Variants in MATR3 observed in about 807,000 individuals in gnomAD.
MATR3 encodes the protein matrin 3, also known as matrin-3.
In MATR3, 4 loss-of-function variants were observed where a neutral mutation model predicts 85.5. The ratio of observed to expected loss-of-function variants is 0.05; its 90% CI spans 0.02 to 0.11. The LOEUF is 0.11. Among genes scored for constraint, MATR3 ranks in the 10% least tolerant of loss-of-function variants. MATR3 has a pLI of 1.00. For synonymous variants in MATR3, 336 were observed against 343.1 expected (o/e 0.98, Z 0.23); for missense variants, 685 against 1,016.1 (o/e 0.67, Z 4.43).
chr5:139,294,855 C>G (rs749743029), intron 1 of MATR3: 10 of 152,222 alleles, frequency 6.6e-5, no homozygotes, highest in Non-Finnish European at 1.0e-4. Context: ...GTTTATCCTG[C>G]TCTGTGGCCC....
chr5:139,328,055 G>T lies in MATR3; in HGVS notation c.2494-1290G>T, dbSNP rs890815269. Among the ~76,000 whole-genome samples, 5 of 151,566 alleles carry T rather than the reference G, an allele frequency of 3.3e-5. No individual in the cohort carries two copies. The East Asian group carries it at 5.9e-4, about 18-fold the overall frequency. On this transcript the variant is annotated intron_variant, in intron 14 of 14. Transcript: ENST00000394805. ...TTTTTGTATTTTTAGTAGAAACGGG[G>T]TTTCACCATGTTAGCCAGGCTGGTC...
chr5:139,317,223 A>G, intron 6 of MATR3, 118 bp downstream of exon 6: 7 of 1,031,130 alleles, frequency 6.8e-6, no homozygotes, highest in Non-Finnish European at 1.0e-5. Context: ...CTGTAATTTG[A>G]AAACAATCAC....
intron 1 of MATR3, among the ~76,000 whole-genome samples, chr5:139,302,930 A>G: frequency 6.6e-6 from 1 of 152,214 alleles, no homozygotes; most frequent in East Asian, 1.9e-4. Context: ...GTAAGTTTCA[A>G]TGTGAAGTTA....
chr5:139,275,650 T>A (rs776730056), intron 1 of MATR3, among the ~76,000 whole-genome samples: 2 of 152,106 alleles, frequency 1.3e-5, no homozygotes, highest in African/African-American at 2.4e-5. Flanking sequence ...ATTAGTAATA[T>A]CCCCATTCAG....
At chr5:139,319,094 CTG>C in intron 8 of MATR3, 61 bp downstream of exon 8, 1 of 1,542,394 alleles carries the variant, frequency 6.5e-7, no homozygotes, top group South Asian at 1.1e-5. Flanking sequence ...TAGTTATTAA[CTG>C]TGGTTATTTC....
intron 2 of MATR3, chr5:139,278,966 G>T (rs766800308): frequency 1.9e-6 from 1 of 516,610 alleles, no homozygotes; most frequent in South Asian, 1.4e-5. Context: ...ATCCTAGTCT[G>T]GGTGCAAACA....
intron 3 of MATR3, 177 bp from the exon 4 acceptor site, chr5:139,315,520 G>T: frequency 1.8e-6 from 1 of 544,058 alleles, no homozygotes; most frequent in Non-Finnish European, 3.3e-6. Context: ...GGATTATTTT[G>T]AAGTTCTGAA....
chr5:139,280,024 G>A (rs1354098330), intron 3 of MATR3: 1 of 152,184 alleles, frequency 6.6e-6, no homozygotes, highest in Non-Finnish European at 1.5e-5. Context: ...TGCTGTTCTA[G>A]AGCAGGGATC....
intron 12 of MATR3, among the ~76,000 whole-genome samples, chr5:139,325,043 A>G (rs144465616): frequency 0.021 from 3,170 of 152,122 alleles, 49 homozygotes; most frequent in Non-Finnish European, 0.028. Flanking sequence ...TACAAAAAAA[A>G]TTAGCCGGGC....
chr5:139,275,067 C>T (rs1753218669), intron 1 of MATR3, among the ~76,000 whole-genome samples: 1 of 151,030 alleles, frequency 6.6e-6, no homozygotes, highest in East Asian at 2.0e-4. Flanking sequence ...CCTCCGCCTC[C>T]TGGGTTCATG....
At chr5:139,325,062 GTGCGCC>G (rs1267333496) in intron 12 of MATR3, among the ~76,000 whole-genome samples, 1 of 151,976 alleles carries the variant, frequency 6.6e-6, no homozygotes, top group Non-Finnish European at 1.5e-5. Context: ...GCGTGGTGGC[GTGCGCC>G]TGTAGTCCCA....
chr5:139,287,357 G>A (rs1412732215), intron 3 of MATR3, among the ~76,000 whole-genome samples: 3 of 152,172 alleles, frequency 2.0e-5, no homozygotes, highest in East Asian at 1.9e-4. Context: ...GGAGGCTCAC[G>A]CCTGTAATCC....
chr5:139,331,420 G>T lies in MATR3; in HGVS notation c.*2025G>T, dbSNP rs1006601408. ...CTTTTTCATAGCTTCAACTTTGTTG[G>T]ATTTAGCAAGTTGAAGGAAAGAATG... On this transcript the variant is annotated 3_prime_UTR_variant, in exon 15 of 15. Coordinates refer to ENST00000394805, the MANE Select transcript of MATR3 (RefSeq NM_018834.6). 6.6e-6 allele frequency: 3 copies of T among 453,952 alleles called. No homozygotes were observed. Among genetic ancestry groups the T allele is most frequent in the African/African-American group, 6.0e-5 (3 of 49,986 alleles). 28.1% of individuals were successfully genotyped at this position (453,952 alleles called of 1,614,324 possible).
chr5:139,293,704 C>T (rs1477651936), upstream of MATR3: 2 of 336,812 alleles, frequency 5.9e-6, no homozygotes, highest in Admixed American at 4.9e-5. Context: ...GCCGCTGCCG[C>T]CGCTTCTCGC....
intron 10 of MATR3, 65 bp from the exon 11 acceptor site, chr5:139,322,398 T>C (rs890710673): frequency 1.6e-5 from 22 of 1,406,836 alleles, no homozygotes; most frequent in Non-Finnish European, 2.2e-5. Flanking sequence ...TCTCCAATTA[T>C]TAATTCACTG....
intron 9 of MATR3, among the ~76,000 whole-genome samples, chr5:139,319,973 C>T (rs1372916391): frequency 1.7e-5 from 2 of 116,564 alleles, no homozygotes; most frequent in African/African-American, 6.7e-5. Flanking sequence ...GAGACAGGGT[C>T]TCAAAAATTA....
At chr5:139,319,830 C>T (rs1458752931) in intron 9 of MATR3, among the ~76,000 whole-genome samples, 4 of 127,156 alleles carry the variant, frequency 3.1e-5, no homozygotes, top group African/African-American at 6.0e-5. Context: ...GGCAGCAGAG[C>T]GAGACTCCCA....
chr5:139,324,958 G>C (rs950530733), intron 12 of MATR3, among the ~76,000 whole-genome samples: 1 of 152,082 alleles, frequency 6.6e-6, no homozygotes, highest in Non-Finnish European at 1.5e-5. Flanking sequence ...TTGGGAGGCC[G>C]AGGTGGGTGG....
intron 2 of MATR3, among the ~76,000 whole-genome samples, chr5:139,277,985 TTTGGGAGGCTGAG>T (rs1018930066): frequency 6.6e-6 from 1 of 151,964 alleles, no homozygotes. Flanking sequence ...TTCCCAGCAC[TTTGGGAGGCTGAG>T]GTGGGAGGAT....
Sources: allele counts gnomAD v4.1 joint callset (sites outside exome capture counted in the v4.1 genomes callset), GRCh38; gene constraint gnomAD v4.1.1; transcripts MANE v1.5; gene names NCBI Gene and HGNC (gene_info 2026-07-23, HGNC 2026-07-21).